RMST: variants seen among roughly 807,000 people sequenced by gnomAD.
RMST encodes rhabdomyosarcoma 2 associated transcript.
intron 5 of RMST, among the ~76,000 whole-genome samples, chr12:97,471,208 A>C (rs1873870099): frequency 6.6e-6 from 1 of 152,120 alleles, no homozygotes; most frequent in Admixed American, 6.6e-5. Flanking sequence ...GTAGATAGAT[A>C]TAAATATAGA....
intron 11 of RMST, among the ~76,000 whole-genome samples, chr12:97,558,946 C>T (rs2136668909): frequency 6.6e-6 from 1 of 152,304 alleles, no homozygotes; most frequent in East Asian, 1.9e-4. Context: ...CCAACACTCA[C>T]TGCAAATATA....
chr12:97,524,754 A>AT (rs1880920263), intron 10 of RMST, among the ~76,000 whole-genome samples: 1 of 152,142 alleles, frequency 6.6e-6, no homozygotes, highest in Non-Finnish European at 1.5e-5. Context: ...AACTTTTTAA[A>AT]AGTAAGACAG....
chr12:97,518,159 TA>T (rs1209951527), intron 10 of RMST, among the ~76,000 whole-genome samples: 4 of 152,154 alleles, frequency 2.6e-5, no homozygotes, highest in African/African-American at 9.6e-5. Context: ...AAGTTTTTTT[TA>T]AATAGAAATG....
At chr12:97,496,633 A>T (rs1328994246) in intron 10 of RMST, among the ~76,000 whole-genome samples, 1 of 152,112 alleles carries the variant, frequency 6.6e-6, no homozygotes, top group African/African-American at 2.4e-5. Context: ...TCATATCACT[A>T]TGCTGATCCT....
chr12:97,549,861 T>C (rs1826811376), intron 11 of RMST, among the ~76,000 whole-genome samples: 1 of 152,198 alleles, frequency 6.6e-6, no homozygotes, highest in Non-Finnish European at 1.5e-5. Context: ...TGTTCATTAA[T>C]GAAGGGTAGG....
intron 11 of RMST, among the ~76,000 whole-genome samples, chr12:97,550,182 G>C (rs560805863): frequency 1.7e-4 from 26 of 152,088 alleles, no homozygotes; most frequent in African/African-American, 6.3e-4. Flanking sequence ...ACCTGAGGTC[G>C]GGAGTTCGAG....
At chr12:97,546,190 C>A (rs1380966231) in intron 11 of RMST, among the ~76,000 whole-genome samples, 4 of 152,014 alleles carry the variant, frequency 2.6e-5, no homozygotes, top group African/African-American at 9.7e-5. Flanking sequence ...AGGTGCATTG[C>A]TATTTTTGAG....
At chr12:97,491,923 C>T in intron 5 of RMST, 1 of 533,328 alleles carries the variant, frequency 1.9e-6, no homozygotes, top group South Asian at 1.4e-5. Flanking sequence ...ACTCTAGCTG[C>T]CAAAGGCGCT....
intron 10 of RMST, among the ~76,000 whole-genome samples, chr12:97,516,442 G>A (rs1468636134): frequency 6.6e-6 from 1 of 151,958 alleles, no homozygotes; most frequent in African/African-American, 2.4e-5. Flanking sequence ...AACATACACA[G>A]CCAGCAAGGG....
intron 10 of RMST, among the ~76,000 whole-genome samples, chr12:97,510,115 G>A (rs1282181611): frequency 6.6e-6 from 1 of 152,172 alleles, no homozygotes; most frequent in Non-Finnish European, 1.5e-5. Flanking sequence ...AAGAGAGGAA[G>A]CATTTATGGA....
intron 10 of RMST, among the ~76,000 whole-genome samples, chr12:97,513,108 C>T (rs1029387814): frequency 1.3e-5 from 2 of 152,204 alleles, no homozygotes; most frequent in Non-Finnish European, 2.9e-5. Context: ...CGGGTTCCCA[C>T]CTGCGCCTCT....
intron 5 of RMST, among the ~76,000 whole-genome samples, chr12:97,466,848 A>G (rs1873251626): frequency 6.6e-6 from 1 of 152,120 alleles, no homozygotes; most frequent in Admixed American, 6.5e-5. Context: ...TCATGCATTT[A>G]TCTCAGCTCA....
intron 10 of RMST, among the ~76,000 whole-genome samples, chr12:97,526,794 G>C (rs906273635): frequency 1.3e-5 from 2 of 152,132 alleles, no homozygotes; most frequent in Admixed American, 6.5e-5. Flanking sequence ...TGGATCCCTT[G>C]CTCTTGTTTG....
chr12:97,523,946 C>G (rs35387719), intron 10 of RMST, among the ~76,000 whole-genome samples: 11,963 of 151,230 alleles, frequency 0.079, 989 homozygotes, highest in Admixed American at 0.24. Flanking sequence ...CATGGTGGTG[C>G]GTGCCTGTAG....
intron 10 of RMST, among the ~76,000 whole-genome samples, chr12:97,505,382 A>G (rs1049728767): frequency 1.3e-5 from 2 of 152,252 alleles, no homozygotes; most frequent in Non-Finnish European, 1.5e-5. Flanking sequence ...TGACAGCAGC[A>G]TAGGGCTATG....
intron 11 of RMST, among the ~76,000 whole-genome samples, chr12:97,545,229 C>T (rs912084845): frequency 5.3e-5 from 8 of 152,084 alleles, no homozygotes; most frequent in African/African-American, 1.9e-4. Flanking sequence ...TCATCATCAC[C>T]ATGATAACTA....
intron 11 of RMST, among the ~76,000 whole-genome samples, chr12:97,536,170 C>CT (rs1371706797): frequency 6.6e-6 from 1 of 151,334 alleles, no homozygotes; most frequent in South Asian, 2.1e-4. Flanking sequence ...GATGTCTATG[C>CT]TGTCAGGAAT....
chr12:97,559,492 C>G (rs1266127361), intron 11 of RMST, among the ~76,000 whole-genome samples: 1 of 152,052 alleles, frequency 6.6e-6, no homozygotes, highest in Non-Finnish European at 1.5e-5. Flanking sequence ...GTGGGATTCC[C>G]CCCACCCCTC....
At chr12:97,537,459 C>A (rs1882158410) in intron 11 of RMST, among the ~76,000 whole-genome samples, 1 of 151,372 alleles carries the variant, frequency 6.6e-6, no homozygotes, top group South Asian at 2.1e-4. Flanking sequence ...TTGTCTCATT[C>A]TTTATCTTCA....
Sources: allele counts gnomAD v4.1 joint callset (sites outside exome capture counted in the v4.1 genomes callset), GRCh38; gene constraint gnomAD v4.1.1; transcripts MANE v1.5; gene names NCBI Gene and HGNC (gene_info 2026-07-23, HGNC 2026-07-21).